HEATR5A: variants seen among roughly 807,000 people sequenced by gnomAD.
HEATR5A encodes the protein HEAT repeat-containing protein 5A.
In HEATR5A, 178 loss-of-function variants were observed where a neutral mutation model predicts 218.8. That is an observed-to-expected ratio of 0.81 (90% confidence interval 0.72 to 0.92). The LOEUF (loss-of-function observed/expected upper bound fraction) is 0.92, where lower values mean the gene tolerates loss of function less well. Among genes scored for constraint, HEATR5A ranks in the 40% least tolerant of loss-of-function variants. HEATR5A has a pLI of 0.00. For missense variants in HEATR5A, 2,420 were observed against 2,418.9 expected (o/e 1.00, Z -0.01); for synonymous variants, 864 against 871.6 (o/e 0.99, Z 0.15).
intron 1 of HEATR5A, among the ~76,000 whole-genome samples, chr14:31,415,481 G>A (rs899299666): frequency 6.6e-6 from 1 of 152,142 alleles, no homozygotes; most frequent in African/African-American, 2.4e-5. Context: ...ATTCACATAC[G>A]ATGGGATAAT....
intron 1 of HEATR5A, among the ~76,000 whole-genome samples, chr14:31,408,331 C>T (rs945035942): frequency 3.3e-5 from 5 of 152,098 alleles, no homozygotes; most frequent in African/African-American, 1.2e-4. Flanking sequence ...AAAGTTTTCC[C>T]TAAGCATTAA....
At chr14:31,368,537 C>G (rs1901888558) in intron 13 of HEATR5A, among the ~76,000 whole-genome samples, 1 of 151,956 alleles carries the variant, frequency 6.6e-6, no homozygotes, top group Non-Finnish European at 1.5e-5. Flanking sequence ...GTAAGGAAGA[C>G]TTCTTTTTTT....
intron 13 of HEATR5A, among the ~76,000 whole-genome samples, chr14:31,365,503 G>A: frequency 6.6e-6 from 1 of 152,004 alleles, no homozygotes; most frequent in Non-Finnish European, 1.5e-5. Context: ...TGGGACTACA[G>A]GCACGTGCCA....
intron 1 of HEATR5A, among the ~76,000 whole-genome samples, chr14:31,412,662 A>G (rs920552558): frequency 2.0e-5 from 3 of 152,090 alleles, no homozygotes; most frequent in Non-Finnish European, 4.4e-5. Flanking sequence ...AGGCTGAAGC[A>G]GGCGGATCAC....
chr14:31,372,196 CA>C (rs201678515), intron 12 of HEATR5A, among the ~76,000 whole-genome samples: 2,529 of 75,462 alleles, frequency 0.034, 38 homozygotes, highest in African/African-American at 0.076. Context: ...AGCTTAGAAG[CA>C]AAAAAAAAAA....
At chr14:31,302,752 CATT>C in intron 32 of HEATR5A, 4 of 465,028 alleles carry the variant, frequency 8.6e-6, no homozygotes, top group Non-Finnish European at 1.5e-5. Flanking sequence ...GTGTGAGTAT[CATT>C]ATGCTTATGC....
At chr14:31,373,389 C>T (rs373423869) in intron 12 of HEATR5A, among the ~76,000 whole-genome samples, 7 of 150,382 alleles carry the variant, frequency 4.7e-5, no homozygotes, top group Non-Finnish European at 7.4e-5. Context: ...AGTGCAATGG[C>T]GCATTCTCAA....
At chr14:31,387,617 T>C (rs2030283257) in intron 7 of HEATR5A, among the ~76,000 whole-genome samples, 1 of 151,512 alleles carries the variant, frequency 6.6e-6, no homozygotes, top group South Asian at 2.1e-4. Flanking sequence ...TGGAATGCAG[T>C]GGTGCAATCT....
rs1399176549 is a variant in HEATR5A, at chr14:31,328,082, G to A, written c.3368-1740C>T. ...TCCTGCCTCAGCCTCTCCAGTAGCT[G>A]GGATTACAGGCATGTGCTACCATGC... On this transcript the variant is annotated intron_variant, in intron 22 of 35. Coordinates refer to ENST00000543095, the MANE Select transcript of HEATR5A (RefSeq NM_015473.4). Among the ~76,000 whole-genome samples, 3 of 152,122 alleles carry A rather than the reference G, an allele frequency of 2.0e-5. No homozygotes were observed. The East Asian group carries it at 5.8e-4, about 29-fold the overall frequency.
chr14:31,376,920 TTCAA>T (rs988595670), intron 11 of HEATR5A, among the ~76,000 whole-genome samples: 1 of 151,664 alleles, frequency 6.6e-6, no homozygotes, highest in Admixed American at 6.6e-5. Flanking sequence ...AGCTCTGGAG[TTCAA>T]GATCAGCTGG....
chr14:31,412,814 T>C (rs973269519), intron 1 of HEATR5A, among the ~76,000 whole-genome samples: 7 of 149,196 alleles, frequency 4.7e-5, no homozygotes, highest in Admixed American at 4.6e-4. Flanking sequence ...GTGAAAGTTG[T>C]GGTGAGCCAA....
In HEATR5A at chr14:31,359,000, T is replaced by C; in HGVS notation, c.2129A>G (p.Gln710Arg). 6.3e-7 allele frequency: 1 copy of C among 1,588,276 alleles called. No homozygotes were observed. ...LAADLTAPDI[Q>R]VAASTFLLPP... ...AAGTAAAAATGTAGATGCTGCCACC[T>C]GAATATCAGGGGCAGTCAAGTCAGC... The change falls in exon 15 of 36, where the codon CAG becomes CGG. Residue 710 changes from glutamine to arginine, a missense_variant. Physicochemically the swap from Gln to Arg is conservative, Grantham distance 43. Transcript: ENST00000543095.
At chr14:31,396,786 G>C (rs2139298545) in intron 4 of HEATR5A, among the ~76,000 whole-genome samples, 1 of 152,228 alleles carries the variant, frequency 6.6e-6, no homozygotes, top group Non-Finnish European at 1.5e-5. Flanking sequence ...CAAAAGTAGG[G>C]AATATGGCTC....
chr14:31,388,772 G>T, intron 7 of HEATR5A, 73 bp downstream of exon 7: 1 of 1,199,576 alleles, frequency 8.3e-7, no homozygotes, highest in Non-Finnish European at 1.2e-6. Context: ...TACCACTTCT[G>T]TGGAGTCAGA....
intron 26 of HEATR5A, 151 bp downstream of exon 26, chr14:31,318,073 G>A: frequency 1.6e-6 from 1 of 639,058 alleles, no homozygotes; most frequent in Non-Finnish European, 2.8e-6. Context: ...TTATCATGCA[G>A]TTATCAAAAA....
At chr14:31,383,382 A>G (rs1320500689) in intron 10 of HEATR5A, 139 bp downstream of exon 10, 1 of 768,754 alleles carries the variant, frequency 1.3e-6, no homozygotes, top group African/African-American at 1.7e-5. Context: ...TATCCTCTAA[A>G]ATAAAATTGT....
At chr14:31,352,424 C>T (rs1401850321) in intron 16 of HEATR5A, among the ~76,000 whole-genome samples, 2 of 152,140 alleles carry the variant, frequency 1.3e-5, no homozygotes, top group Non-Finnish European at 2.9e-5. Context: ...TTCATCTGAC[C>T]TTCATGTACT....
chr14:31,341,931 C>T (rs10135068), intron 21 of HEATR5A, among the ~76,000 whole-genome samples: 2,404 of 152,184 alleles, frequency 0.016, 55 homozygotes, highest in African/African-American at 0.055. Context: ...TTAGGAATGA[C>T]TCTTCAAATA....
At chr14:31,321,167 T>A (rs1900089083) in intron 25 of HEATR5A, among the ~76,000 whole-genome samples, 1 of 148,910 alleles carries the variant, frequency 6.7e-6, no homozygotes, top group African/African-American at 2.5e-5. Flanking sequence ...AGTTTCAGAC[T>A]TTTTTTTTTG....
Sources: allele counts gnomAD v4.1 joint callset (sites outside exome capture counted in the v4.1 genomes callset), GRCh38; gene constraint gnomAD v4.1.1; transcripts MANE v1.5; gene names NCBI Gene and HGNC (gene_info 2026-07-23, HGNC 2026-07-21).